The following ACOXL variants were observed in gnomAD, a reference collection of about 807,000 sequenced individuals.
The protein encoded by ACOXL is acyl-coenzyme A oxidase-like protein.
Under a neutral mutation model 71.9 loss-of-function variants are expected in ACOXL, and 70 were observed. The ratio of observed to expected loss-of-function variants is 0.97; its 90% CI spans 0.80 to 1.19. The LOEUF is 1.19. Among genes scored for constraint, ACOXL ranks in the 50% most tolerant of loss-of-function variants. The probability of loss-of-function intolerance (pLI) is 0.00; values close to 1 mark genes in which losing one functional copy is unlikely to be tolerated. For missense variants in ACOXL, 703 were observed against 736.3 expected, an observed-to-expected ratio of 0.95 and a Z score of 0.52; for synonymous variants, 253 against 281.6, an observed-to-expected ratio of 0.90 and a Z score of 1.02.
chr2:110,933,548 G>T lies in ACOXL; in HGVS notation c.965G>T (p.Arg322Leu), dbSNP rs764991197. The T allele has an allele frequency of 2.5e-6, 4 of 1,614,172 alleles. No homozygotes were observed. In the East Asian group the frequency reaches 8.9e-5, roughly 36 times the overall value. Residue 322 changes from arginine to leucine, a missense_variant, in exon 12 of 18, where the codon CGC becomes CTC. Physicochemically the swap from Arg to Leu is moderately radical, Grantham distance 102. Transcript: ENST00000439055. Reference sequence around the variant, plus strand: ...CAGGGAAAGGAGCTGGTCAACAGTCGCTCGCTGCAGGCTCTGGTGGCGGGG... The same window carrying T: ...CAGGGAAAGGAGCTGGTCAACAGTCTCTCGCTGCAGGCTCTGGTGGCGGGG... ...VFQGKELVNS[R>L]SLQALVAGLK...
At chr2:111,056,493 T>A (rs184439034) in intron 16 of ACOXL, among the ~76,000 whole-genome samples, 31 of 152,036 alleles carry the variant, frequency 2.0e-4, no homozygotes, top group South Asian at 4.2e-4. Flanking sequence ...CTCAAAAAAA[T>A]ATATATATAT....
chr2:110,788,313 A>G (rs1202115374), intron 3 of ACOXL, among the ~76,000 whole-genome samples: 1 of 152,262 alleles, frequency 6.6e-6, no homozygotes, highest in African/African-American at 2.4e-5. Flanking sequence ...GCCACAAAAA[A>G]TAGTGAAGTT....
intron 2 of ACOXL, among the ~76,000 whole-genome samples, chr2:110,782,749 G>A (rs554514927): frequency 1.3e-5 from 2 of 152,200 alleles, no homozygotes; most frequent in South Asian, 2.1e-4. Context: ...GACAGTGTTC[G>A]TGAAGAGAAT....
chr2:110,856,282 C>T (rs1046783470), intron 10 of ACOXL, among the ~76,000 whole-genome samples: 1 of 152,164 alleles, frequency 6.6e-6, no homozygotes, highest in Admixed American at 6.5e-5. Context: ...CATCCTGCTC[C>T]ATCCCATCCT....
At position 110,968,355 on chromosome 2, in the gene ACOXL, T is replaced by A. The variant is rs569070084; in HGVS notation, c.1060-18753T>A. 1.6e-5 allele frequency: 18 copies of A among 1,151,094 alleles called. No homozygotes were observed. The South Asian group carries it at 2.2e-4, about 14-fold the overall frequency. The allele number at this position is 1,151,094 out of a possible 1,614,324, so 71.3% of individuals were successfully genotyped here. A position where few individuals can be genotyped will look rare whatever the true frequency, so the allele number is the denominator to read the frequency against. On this transcript the variant is annotated intron_variant, in intron 12 of 17. Transcript: ENST00000439055. ...CTGTGGCTGGAGGCTCATCTGTCTC[T>A]CATAGTACCAGATGATTCCCTGGTT...
intron 16 of ACOXL, among the ~76,000 whole-genome samples, chr2:111,051,901 G>T (rs1313895520): frequency 4.6e-5 from 7 of 152,174 alleles, no homozygotes; most frequent in Admixed American, 4.6e-4. Context: ...AATGCAGCTT[G>T]TATGGCAGGC....
At chr2:110,818,869 C>T (rs1688282629) in intron 9 of ACOXL, among the ~76,000 whole-genome samples, 3 of 64,572 alleles carry the variant, frequency 4.6e-5, no homozygotes, top group Non-Finnish European at 1.0e-4. Context: ...TCGTGATCAG[C>T]CAAAGCTGAC....
intron 16 of ACOXL, among the ~76,000 whole-genome samples, chr2:111,066,438 C>T (rs2067076646): frequency 6.6e-6 from 1 of 152,014 alleles, no homozygotes; most frequent in Non-Finnish European, 1.5e-5. Context: ...CATAAGGGAC[C>T]TGTGTGGTGA....
intron 15 of ACOXL, among the ~76,000 whole-genome samples, chr2:111,034,087 G>A (rs988324359): frequency 6.6e-6 from 1 of 152,212 alleles, no homozygotes. Flanking sequence ...ACCAGGTTCA[G>A]ATCCCGGCTT....
intron 5 of ACOXL, among the ~76,000 whole-genome samples, chr2:110,794,540 G>C (rs1412607115): frequency 1.3e-5 from 2 of 152,220 alleles, no homozygotes; most frequent in Non-Finnish European, 2.9e-5. Context: ...AGACGCCTTT[G>C]TTGGTCCTCT....
rs148685104 is a variant in ACOXL, at chr2:110,995,439, G to T, written c.1170-454G>T. Reference sequence around the variant, plus strand: ...CACTTGAACCCAGGAGGTGGAGGTTGCAGTGAGCCGAGATCGTGCCACTGC... The same window carrying T: ...CACTTGAACCCAGGAGGTGGAGGTTTCAGTGAGCCGAGATCGTGCCACTGC... On this transcript the variant is annotated intron_variant, in intron 13 of 17. Transcript: ENST00000439055. 8.4e-4 allele frequency among the ~76,000 whole-genome samples: 112 copies of T among 133,806 alleles called. 2 individuals are homozygous for T. The East Asian group carries it at 0.024, about 29-fold the overall frequency. 87.8% of individuals were successfully genotyped at this position (133,806 alleles called of 152,430 possible).
chr2:110,924,647 A>G (rs1225233560), intron 11 of ACOXL, among the ~76,000 whole-genome samples: 1 of 152,034 alleles, frequency 6.6e-6, no homozygotes, highest in African/African-American at 2.4e-5. Flanking sequence ...TCCACTTCTA[A>G]TTATCGTTCT....
At position 110,805,276 on chromosome 2, in the gene ACOXL, G is replaced by A. The variant is rs368626810; in HGVS notation, c.634G>A (p.Ala212Thr). The A allele has an allele frequency of 1.2e-6, 2 of 1,614,124 alleles. No individual in the cohort carries two copies. The highest frequency in any genetic ancestry group is 1.7e-5 in the Admixed American group (1 of 60,024). Residue 212 changes from alanine (A) to threonine (T), a missense_variant, in exon 9 of 18, where the codon GCT becomes ACT. Coordinates refer to ENST00000439055, the MANE Select transcript of ACOXL (RefSeq NM_001142807.4). Reference protein sequence around the residue: ...ENLLDKFGSVAPDGQYHSPIR... With the variant: ...ENLLDKFGSVTPDGQYHSPIR... The stretch of plus-strand genomic sequence containing the variant: ...TCTTTTCCACAGGTTTGGTTCCGTG[G>A]CTCCAGATGGACAGTACCATTCGCC...
chr2:110,879,664 C>T (rs772358201), intron 10 of ACOXL, among the ~76,000 whole-genome samples: 8 of 152,114 alleles, frequency 5.3e-5, no homozygotes, highest in Admixed American at 2.0e-4. Flanking sequence ...AGAACTTAAA[C>T]GCTCCAGAAC....
chr2:110,835,403 G>A (rs1690330008), intron 9 of ACOXL, among the ~76,000 whole-genome samples: 1 of 152,106 alleles, frequency 6.6e-6, no homozygotes, highest in Admixed American at 6.5e-5. Context: ...TGACAGAAAG[G>A]AACACAGAAA....
At chr2:111,114,477 C>T (rs776902860) in intron 17 of ACOXL, among the ~76,000 whole-genome samples, 12 of 152,040 alleles carry the variant, frequency 7.9e-5, no homozygotes, top group Non-Finnish European at 1.3e-4. Context: ...GGTAGCCAGA[C>T]GAAAGGGGCT....
At chr2:111,078,666 T>G (rs1205015688) in intron 16 of ACOXL, among the ~76,000 whole-genome samples, 2 of 152,238 alleles carry the variant, frequency 1.3e-5, no homozygotes, top group African/African-American at 2.4e-5. Context: ...CTTTAAAGCT[T>G]TTGCCAGATA....
chr2:110,841,231 G>A (rs2105752418), intron 9 of ACOXL, 140 bp from the exon 10 acceptor site: 1 of 617,150 alleles, frequency 1.6e-6, no homozygotes, highest in South Asian at 2.1e-5. Context: ...TCATTAAAAT[G>A]TGTTATTTTT....
intron 9 of ACOXL, among the ~76,000 whole-genome samples, chr2:110,818,525 A>ATGTGTG (rs1389706279): frequency 7.3e-3 from 3 of 412 alleles, no homozygotes; most frequent in Non-Finnish European, 0.041. Flanking sequence ...GTATGTGTGT[A>ATGTGTG]TATATATATG....
Sources: gnomAD v4.1 joint callset for allele counts (sites outside exome capture counted in the v4.1 genomes callset) on GRCh38, gnomAD v4.1.1 for gene constraint, MANE v1.5 for transcripts, NCBI Gene and HGNC (gene_info 2026-07-23, HGNC 2026-07-21) for gene names.